ANXA13: variants seen among roughly 807,000 people sequenced by gnomAD.
ANXA13 encodes annexin A13.
In ANXA13, 36 loss-of-function variants were observed where a neutral mutation model predicts 46.6. That is an observed-to-expected ratio of 0.77 (90% CI 0.59 to 1.02). ANXA13 has a LOEUF of 1.02. Among genes scored for constraint, ANXA13 ranks in the 50% least tolerant of loss-of-function variants. ANXA13 has a pLI of 0.00. For missense variants in ANXA13, 417 were observed against 396.5 expected (o/e 1.05, Z -0.44); for synonymous variants, 163 against 152.9 (o/e 1.07, Z -0.49).
At chr8:123,687,032 T>C (rs1813152738) in intron 9 of ANXA13, among the ~76,000 whole-genome samples, 1 of 152,186 alleles carries the variant, frequency 6.6e-6, no homozygotes. Context: ...TGTTTTTTTA[T>C]CTTTATCTTT....
At chr8:123,710,994 G>A (rs993861012) in intron 2 of ANXA13, among the ~76,000 whole-genome samples, 5 of 151,350 alleles carry the variant, frequency 3.3e-5, no homozygotes, top group Admixed American at 6.6e-5. Context: ...AATTTTTCCC[G>A]TCCTACCTCC....
At chr8:123,736,635 C>T (rs1814272947) in intron 1 of ANXA13, among the ~76,000 whole-genome samples, 1 of 152,132 alleles carries the variant, frequency 6.6e-6, no homozygotes, top group Admixed American at 6.5e-5. Context: ...CAACATGAAC[C>T]TATCTTTCCC....
At chr8:123,733,372 A>G (rs906274367) in intron 1 of ANXA13, among the ~76,000 whole-genome samples, 3 of 152,114 alleles carry the variant, frequency 2.0e-5, no homozygotes, top group Non-Finnish European at 4.4e-5. Flanking sequence ...ATTCTCAGCC[A>G]TATTTCACCT....
chr8:123,683,267 G>A (rs576202017), intron 10 of ANXA13, among the ~76,000 whole-genome samples: 6 of 151,906 alleles, frequency 3.9e-5, no homozygotes, highest in African/African-American at 1.4e-4. Flanking sequence ...AGGAGGGGAG[G>A]AGAAATTCCA....
At chr8:123,688,785 T>G in intron 9 of ANXA13, 86 bp downstream of exon 9, 2 of 1,258,132 alleles carry the variant, frequency 1.6e-6, no homozygotes, top group Middle Eastern at 3.8e-4. Flanking sequence ...AGCTATTCCC[T>G]CAAATCTTCC....
intron 3 of ANXA13, among the ~76,000 whole-genome samples, chr8:123,701,794 A>G (rs1167345387): frequency 6.6e-6 from 1 of 151,968 alleles, no homozygotes; most frequent in East Asian, 1.9e-4. Context: ...AATGGAAACA[A>G]TCATAGCTAT....
chr8:123,688,969 CT>C, intron 8 of ANXA13, 23 bp from the exon 9 acceptor site: 3 of 1,612,328 alleles, frequency 1.9e-6, no homozygotes, highest in Non-Finnish European at 2.5e-6. Flanking sequence ...CCAAAATCAA[CT>C]GTTATTCCAG....
At position 123,698,494 on chromosome 8, in the gene ANXA13, C is replaced by T. The variant is rs751745509; in HGVS notation, c.252G>A (p.Leu84=). The change falls in exon 4 of 11, where the codon CTG becomes CTA. Residue 84 remains leucine, a synonymous_variant. Transcript: ENST00000419625. ...GNFEKTALAL[L]DRPSEYAARQ... ...GGGCGGCGTACTCGCTGGGACGGTC[C>T]AGAAGGGCCAACGCTGTCTTCTCGA... 6.2e-7 allele frequency: 1 copy of T among 1,614,228 alleles called. No homozygotes were observed. The highest frequency in any genetic ancestry group is 1.1e-5 in the South Asian group (1 of 91,086).
chr8:123,722,342 A>AAAGAAAG (rs1554595357), intron 1 of ANXA13, among the ~76,000 whole-genome samples: 5 of 136,860 alleles, frequency 3.7e-5, no homozygotes, highest in African/African-American at 1.4e-4. Context: ...GAAAGAAAAG[A>AAAGAAAG]AAAGAAAGAA....
chr8:123,734,947 G>T (rs139399694), intron 1 of ANXA13, among the ~76,000 whole-genome samples: 7 of 151,746 alleles, frequency 4.6e-5, no homozygotes, highest in Non-Finnish European at 8.8e-5. Context: ...TGTGTAAGCC[G>T]AGAGAAGGTC....
rs780931368 is a variant in ANXA13 at position 123,695,439 on chromosome 8, G to A, written c.471+63C>T. The A allele has an allele frequency of 2.5e-5, 31 of 1,232,806 alleles. No individual in the cohort carries two copies. The Middle Eastern group carries it at 5.7e-4, about 23-fold the overall frequency. 76.4% of individuals were successfully genotyped at this position (1,232,806 alleles called of 1,614,324 possible). On this transcript the variant is annotated intron_variant, in intron 6 of 10. Coordinates refer to ENST00000419625, the MANE Select transcript of ANXA13 (RefSeq NM_004306.4). Reference sequence around the variant, plus strand: ...ATCTACGTTACCCTTTTTCATCATGGTGCCATGTTGCCAAGGATTCTTTCC... The same window carrying A: ...ATCTACGTTACCCTTTTTCATCATGATGCCATGTTGCCAAGGATTCTTTCC...
chr8:123,724,735 C>G (rs921527045), intron 1 of ANXA13, among the ~76,000 whole-genome samples: 1 of 152,200 alleles, frequency 6.6e-6, no homozygotes, highest in African/African-American at 2.4e-5. Context: ...TTTTAAAATT[C>G]TCTCCCAACT....
intron 1 of ANXA13, among the ~76,000 whole-genome samples, chr8:123,721,100 C>T (rs1186109837): frequency 6.6e-6 from 1 of 152,152 alleles, no homozygotes; most frequent in East Asian, 1.9e-4. Flanking sequence ...ATTTTAGGTA[C>T]CTCATGTAAG....
At chr8:123,735,315 T>G (rs1459061598) in intron 1 of ANXA13, among the ~76,000 whole-genome samples, 2 of 152,244 alleles carry the variant, frequency 1.3e-5, no homozygotes, top group Non-Finnish European at 2.9e-5. Context: ...ACCAGCATTC[T>G]AGTTTTGTTT....
intron 1 of ANXA13, among the ~76,000 whole-genome samples, chr8:123,729,539 C>G (rs12682419): frequency 0.43 from 65,182 of 151,750 alleles, 14,401 homozygotes; most frequent in South Asian, 0.53. Context: ...TGTACATAAG[C>G]AAGAAGGTAT....
chr8:123,683,961 C>A (rs2129815435), intron 10 of ANXA13, among the ~76,000 whole-genome samples: 1 of 152,264 alleles, frequency 6.6e-6, no homozygotes, highest in South Asian at 2.1e-4. Flanking sequence ...TACACATTCT[C>A]CGAGAGCAAG....
chr8:123,681,483 G>T, intron 10 of ANXA13, 124 bp from the exon 11 acceptor site: 1 of 898,880 alleles, frequency 1.1e-6, no homozygotes, highest in Admixed American at 2.7e-5. Flanking sequence ...CTTGAGATAG[G>T]GCTTTATTTC....
chr8:123,735,639 G>T, intron 1 of ANXA13: 2 of 1,267,146 alleles, frequency 1.6e-6, no homozygotes, highest in Non-Finnish European at 2.1e-6. Context: ...AGTCACACCT[G>T]ATGATGGCTG....
chr8:123,735,699 C>G, intron 1 of ANXA13: 3 of 1,530,918 alleles, frequency 2.0e-6, no homozygotes, highest in Non-Finnish European at 2.6e-6. Context: ...CTCATATTGG[C>G]CCCATGACAG....
Sources: gnomAD v4.1 joint callset for allele counts (sites outside exome capture counted in the v4.1 genomes callset) on GRCh38, gnomAD v4.1.1 for gene constraint, MANE v1.5 for transcripts, NCBI Gene and HGNC (gene_info 2026-07-23, HGNC 2026-07-21) for gene names.